Variants in NRCAM observed in about 807,000 individuals in gnomAD.
The protein encoded by NRCAM is NgCAM-related cell adhesion molecule.
Under a neutral mutation model 156.5 loss-of-function variants are expected in NRCAM, and 83 were observed. The ratio of observed to expected loss-of-function variants is 0.53; its 90% CI spans 0.44 to 0.64. The LOEUF (loss-of-function observed/expected upper bound fraction) is 0.64, where lower values mean the gene tolerates loss of function less well. Among genes scored for constraint, NRCAM ranks in the 30% least tolerant of loss-of-function variants. The probability of loss-of-function intolerance (pLI) is 0.00; values close to 1 mark genes in which losing one functional copy is unlikely to be tolerated. For synonymous variants in NRCAM, 538 were observed against 563.9 expected (o/e 0.95, Z 0.65); for missense variants, 1,417 against 1,597.3 (o/e 0.89, Z 1.92).
intron 11 of NRCAM, among the ~76,000 whole-genome samples, chr7:108,219,336 C>T (rs1211008096): frequency 6.6e-6 from 1 of 152,098 alleles, no homozygotes; most frequent in Admixed American, 6.5e-5. Flanking sequence ...GAGAACCCTC[C>T]CCAATTCATT....
Position 108,168,395 on chromosome 7 carries a change from T to C in NRCAM, c.3195A>G (p.Ala1065=). 1 of 1,601,696 alleles carries C rather than the reference T, an allele frequency of 6.2e-7. No homozygotes were observed. The highest frequency in any genetic ancestry group is 8.5e-7 in the Non-Finnish European group (1 of 1,175,780). Reference sequence around the variant, plus strand: ...TAAGATTGCTGATCCTGGGATTTACTGCTTGAACTAAACATACAATAGAAA... The same window carrying C: ...TAAGATTGCTGATCCTGGGATTTACCGCTTGAACTAAACATACAATAGAAA... ...PPDVGAGKVQ[A]VNPRISNLTA... The change falls in exon 29 of 33, where the codon GCA becomes GCG. Residue 1065 remains alanine (A), a synonymous_variant. Transcript: ENST00000379028.
intron 20 of NRCAM, among the ~76,000 whole-genome samples, chr7:108,187,278 C>T (rs1018768264): frequency 1.3e-5 from 2 of 152,310 alleles, no homozygotes; most frequent in Middle Eastern, 3.4e-3. Context: ...CACCCACCAC[C>T]GAACTCTTCA....
intron 3 of NRCAM, among the ~76,000 whole-genome samples, chr7:108,277,594 T>C (rs926069282): frequency 3.3e-5 from 5 of 152,216 alleles, no homozygotes; most frequent in South Asian, 2.1e-4. Flanking sequence ...ATCAGGTCAT[T>C]TGAGGTCTTC....
At chr7:108,184,220 T>C in intron 22 of NRCAM, 21 bp downstream of exon 22, 1 of 1,595,332 alleles carries the variant, frequency 6.3e-7, no homozygotes, top group South Asian at 1.1e-5. Context: ...AGCGAATAAA[T>C]TTGAAGGCAT....
chr7:108,392,567 C>T (rs2154378506), intron 2 of NRCAM, among the ~76,000 whole-genome samples: 1 of 152,320 alleles, frequency 6.6e-6, no homozygotes, highest in East Asian at 1.9e-4. Context: ...CCTCTTCTCT[C>T]AACTCGTCAA....
intron 2 of NRCAM, among the ~76,000 whole-genome samples, chr7:108,383,536 C>T (rs2099711259): frequency 6.6e-6 from 1 of 152,212 alleles, no homozygotes; most frequent in South Asian, 2.1e-4. Context: ...AACACAACCC[C>T]TGCAGACTTC....
At chr7:108,192,416 A>G (rs984286612) in intron 17 of NRCAM, among the ~76,000 whole-genome samples, 23 of 152,032 alleles carry the variant, frequency 1.5e-4, no homozygotes, top group African/African-American at 5.3e-4. Flanking sequence ...ATATTACAAC[A>G]TAATAATAAT....
chr7:108,226,943 G>A (rs1378251516), intron 8 of NRCAM, among the ~76,000 whole-genome samples: 1 of 152,172 alleles, frequency 6.6e-6, no homozygotes, highest in Non-Finnish European at 1.5e-5. Flanking sequence ...CAGTAACTGG[G>A]TGTGATGATG....
At chr7:108,410,479 A>C (rs1794055007) in intron 1 of NRCAM, among the ~76,000 whole-genome samples, 1 of 152,210 alleles carries the variant, frequency 6.6e-6, no homozygotes, top group Non-Finnish European at 1.5e-5. Flanking sequence ...CTCACTGTAC[A>C]TGAAACTCCC....
At position 108,378,888 on chromosome 7, in the gene NRCAM, T is replaced by C. The variant is rs2099688804; in HGVS notation, c.-174+20548A>G. Among the ~76,000 whole-genome samples, 3 of 151,738 alleles carry C rather than the reference T, an allele frequency of 2.0e-5. 1 individual carries two copies. The highest frequency in any genetic ancestry group is 4.4e-5 in the Non-Finnish European group (3 of 67,918). On this transcript the variant is annotated intron_variant, in intron 2 of 32. Transcript: ENST00000379028. The stretch of plus-strand genomic sequence containing the variant: ...ACAAAGGAGAGAAAAAAAAAATACT[T>C]GAACAAACAGGAAAGCCAGACTCTC...
chr7:108,332,411 A>T (rs1299377247), intron 2 of NRCAM, among the ~76,000 whole-genome samples: 2 of 152,128 alleles, frequency 1.3e-5, no homozygotes, highest in African/African-American at 4.8e-5. Flanking sequence ...CCAAGAATGA[A>T]ATTTGCTTTT....
chr7:108,187,629 T>C (rs1013254509), intron 20 of NRCAM, among the ~76,000 whole-genome samples: 1 of 152,144 alleles, frequency 6.6e-6, no homozygotes, highest in Non-Finnish European at 1.5e-5. Flanking sequence ...TTGAGTCCTC[T>C]AGGGAGCAAA....
intron 29 of NRCAM, among the ~76,000 whole-genome samples, chr7:108,167,617 C>G (rs887198611): frequency 2.0e-5 from 3 of 152,176 alleles, no homozygotes; most frequent in Non-Finnish European, 4.4e-5. Flanking sequence ...GAAAGTTGGA[C>G]TCTGTTCAAC....
chr7:108,439,225 G>GA (rs1287426277), intron 1 of NRCAM, among the ~76,000 whole-genome samples: 1 of 151,892 alleles, frequency 6.6e-6, no homozygotes, highest in Middle Eastern at 3.4e-3. Context: ...AGCAACAAAA[G>GA]AAAAAACAAC....
chr7:108,425,058 G>C (rs1231550898), intron 1 of NRCAM, among the ~76,000 whole-genome samples: 1 of 152,106 alleles, frequency 6.6e-6, no homozygotes, highest in Non-Finnish European at 1.5e-5. Flanking sequence ...GTTCAGTAAA[G>C]TCTTCCCCCA....
intron 26 of NRCAM, among the ~76,000 whole-genome samples, chr7:108,177,106 A>C (rs530887192): frequency 1.3e-4 from 20 of 152,322 alleles, no homozygotes; most frequent in African/African-American, 4.8e-4. Context: ...TTTAAAAAGT[A>C]AGATTTGAAG....
rs536176972 is a variant in NRCAM, at chr7:108,242,066, G to A, written c.-106-1896C>T. Among the ~76,000 whole-genome samples the A allele has an allele frequency of 1.1e-4, 16 of 151,972 alleles. No homozygotes were observed. In the South Asian group the frequency reaches 3.1e-3, roughly 30 times the overall value. ...AAGCGGGTGGATCACCTAAGGTCAG[G>A]AGTTTGAGACCAGCCTGGCTAACAT... On this transcript the variant is annotated intron_variant, in intron 3 of 32. Coordinates refer to ENST00000379028, the MANE Select transcript of NRCAM (RefSeq NM_001037132.4).
At chr7:108,323,572 T>C (rs895245048) in intron 2 of NRCAM, among the ~76,000 whole-genome samples, 8 of 152,178 alleles carry the variant, frequency 5.3e-5, no homozygotes, top group African/African-American at 1.4e-4. Flanking sequence ...CCACTTAAAT[T>C]TGCACAAGTT....
At chr7:108,205,853 T>C (rs993978548) in intron 13 of NRCAM, among the ~76,000 whole-genome samples, 1 of 152,092 alleles carries the variant, frequency 6.6e-6, no homozygotes, top group Non-Finnish European at 1.5e-5. Context: ...CCTCTGAAAG[T>C]GCTGGGATTA....
Sources: gnomAD v4.1 joint callset for allele counts (sites outside exome capture counted in the v4.1 genomes callset) on GRCh38, gnomAD v4.1.1 for gene constraint, MANE v1.5 for transcripts, NCBI Gene and HGNC (gene_info 2026-07-23, HGNC 2026-07-21) for gene names.